ARHGAP22: variants seen among roughly 807,000 people sequenced by gnomAD.
ARHGAP22 encodes the protein rho GTPase-activating protein 22.
Under a neutral mutation model 59.1 loss-of-function variants are expected in ARHGAP22, and 48 were observed. The ratio of observed to expected loss-of-function variants is 0.81; its 90% confidence interval spans 0.64 to 1.03. The LOEUF (loss-of-function observed/expected upper bound fraction) is 1.03. Ranked by LOEUF, ARHGAP22 falls within the 50% of genes least tolerant of loss-of-function variation. The probability of loss-of-function intolerance (pLI) is 0.00; values close to 1 mark genes in which losing one functional copy is unlikely to be tolerated. For missense variants in ARHGAP22, 1,015 were observed against 958.7 expected (o/e 1.06, Z -0.78); for synonymous variants, 445 against 416.4 (o/e 1.07, Z -0.84).
chr10:48,562,483 G>A (rs970240172), intron 2 of ARHGAP22, among the ~76,000 whole-genome samples: 6 of 152,276 alleles, frequency 3.9e-5, no homozygotes, highest in Admixed American at 1.3e-4. Flanking sequence ...CTTAATGCAC[G>A]CTGCAACATG....
chr10:48,524,220 G>T, intron 3 of ARHGAP22: 1 of 645,826 alleles, frequency 1.5e-6, no homozygotes, highest in Non-Finnish European at 1.9e-6. Context: ...CAGGGTGCGC[G>T]GGACCGCCGG....
intron 1 of ARHGAP22, among the ~76,000 whole-genome samples, chr10:48,617,643 A>C (rs905289728): frequency 6.6e-5 from 10 of 152,012 alleles, no homozygotes; most frequent in Non-Finnish European, 1.5e-4. Flanking sequence ...TTCTTGTAAC[A>C]AATGAAAACA....
chr10:48,596,451 G>T (rs1466445078), intron 1 of ARHGAP22, among the ~76,000 whole-genome samples: 1 of 152,176 alleles, frequency 6.6e-6, no homozygotes, highest in Non-Finnish European at 1.5e-5. Flanking sequence ...TGGCTGGAGG[G>T]GGCAGGGAGC....
chr10:48,550,797 A>C (rs1168979019), intron 3 of ARHGAP22, among the ~76,000 whole-genome samples: 1 of 152,178 alleles, frequency 6.6e-6, no homozygotes, highest in Non-Finnish European at 1.5e-5. Flanking sequence ...ATAAACATGA[A>C]ATGGTTTTAC....
At chr10:48,498,770 C>A (rs1447227561) in intron 3 of ARHGAP22, among the ~76,000 whole-genome samples, 1 of 152,128 alleles carries the variant, frequency 6.6e-6, no homozygotes, top group East Asian at 1.9e-4. Context: ...ATGACCAAAG[C>A]AGGGGAATGG....
intron 3 of ARHGAP22, among the ~76,000 whole-genome samples, chr10:48,491,305 T>A (rs1435286359): frequency 1.3e-5 from 2 of 152,236 alleles, no homozygotes; most frequent in African/African-American, 2.4e-5. Flanking sequence ...GTTCCCTTGC[T>A]CCTGCTGTGG....
At chr10:48,537,283 TTGTGGAGCCCTGCTC>T (rs2055454980) in intron 3 of ARHGAP22, among the ~76,000 whole-genome samples, 1 of 152,184 alleles carries the variant, frequency 6.6e-6, no homozygotes, top group African/African-American at 2.4e-5. Context: ...CCACCAGGAT[TTGTGGAGCCCTGCTC>T]TGTGCCAGAC....
intron 5 of ARHGAP22, among the ~76,000 whole-genome samples, chr10:48,456,757 C>A (rs2046556986): frequency 6.6e-6 from 1 of 152,136 alleles, no homozygotes; most frequent in Non-Finnish European, 1.5e-5. Flanking sequence ...TGCTGCTTGG[C>A]CCTGCCTGAC....
intron 3 of ARHGAP22, among the ~76,000 whole-genome samples, chr10:48,551,977 G>T (rs1396273971): frequency 6.6e-6 from 1 of 152,262 alleles, no homozygotes; most frequent in African/African-American, 2.4e-5. Flanking sequence ...CTGAAAGGCT[G>T]GGGGTGGGCA....
downstream of ARHGAP22, chr10:48,443,869 C>T (rs1308220521): frequency 6.6e-6 from 1 of 152,208 alleles, no homozygotes; most frequent in African/African-American, 2.4e-5. Context: ...TTCTCACACA[C>T]ACATACCCAT....
chr10:48,565,857 T>C (rs919754210), intron 2 of ARHGAP22, among the ~76,000 whole-genome samples: 5 of 152,296 alleles, frequency 3.3e-5, no homozygotes, highest in Admixed American at 3.3e-4. Flanking sequence ...CAATCTCCCC[T>C]CCCCTAATAA....
At position 48,652,123 on chromosome 10, in the gene ARHGAP22, C is replaced by T. The variant is rs536633485; in HGVS notation, c.52+111G>A. The T allele has an allele frequency of 1.8e-5, 18 of 1,026,180 alleles. No homozygotes were observed. The South Asian group carries it at 2.4e-4, about 13-fold the overall frequency. 63.6% of individuals were successfully genotyped at this position (1,026,180 alleles called of 1,614,324 possible). A position where few individuals can be genotyped will look rare whatever the true frequency, so the allele number is the denominator to read the frequency against. Reference sequence around the variant, plus strand: ...TCAGAACCCTGACCACAGATGCCGCCTGGTGCTCTCAGCCACAAGACCAAG... The same window carrying T: ...TCAGAACCCTGACCACAGATGCCGCTTGGTGCTCTCAGCCACAAGACCAAG... On this transcript the variant is annotated intron_variant, in intron 1 of 9. Transcript: ENST00000435790.
chr10:48,630,458 G>T (rs1033836565), intron 1 of ARHGAP22, among the ~76,000 whole-genome samples: 1 of 152,100 alleles, frequency 6.6e-6, no homozygotes, highest in Non-Finnish European at 1.5e-5. Context: ...CATTTATTTC[G>T]ATTTTCTTAG....
chr10:48,487,809 G>A (rs1359767579), intron 3 of ARHGAP22, among the ~76,000 whole-genome samples: 1 of 152,240 alleles, frequency 6.6e-6, no homozygotes, highest in African/African-American at 2.4e-5. Flanking sequence ...GCTCACGCCT[G>A]TAATCCCAGC....
chr10:48,455,506 A>C (rs115116787), intron 5 of ARHGAP22, among the ~76,000 whole-genome samples: 1,677 of 152,288 alleles, frequency 0.011, 31 homozygotes, highest in African/African-American at 0.038. Context: ...TGCAGGGCAC[A>C]GCTGCTCCAC....
At chr10:48,433,170 G>C in the ARHGAP22 span, among the ~76,000 whole-genome samples, 1 of 152,116 alleles carries the variant, frequency 6.6e-6, no homozygotes, top group Admixed American at 6.5e-5. Context: ...AGAATTTACT[G>C]TATTGCTTTA....
Position 48,552,606 on chromosome 10 carries a change from G to A in ARHGAP22, c.322+2857C>T, listed in dbSNP as rs11101379. The stretch of plus-strand genomic sequence containing the variant: ...CCCAGGTAACTGTGCTCAGCCTAGT[G>A]AGGATAAGTCCTTATTGTGCCTTGA... On this transcript the variant is annotated intron_variant, in intron 3 of 9. Coordinates refer to ENST00000249601, the MANE Select transcript of ARHGAP22 (RefSeq NM_021226.4). Among the ~76,000 whole-genome samples the A allele has an allele frequency of 7.4e-3, 1,121 of 152,330 alleles. 12 individuals are homozygous for A. Among genetic ancestry groups the A allele is most frequent in the African/African-American group, 0.025 (1,059 of 41,558 alleles).
chr10:48,607,220 A>C (rs1178308590), upstream of ARHGAP22, among the ~76,000 whole-genome samples: 2 of 151,878 alleles, frequency 1.3e-5, no homozygotes, highest in Non-Finnish European at 2.9e-5. Flanking sequence ...TTAAGAAACC[A>C]CCCCCAGGCG....
At chr10:48,487,423 T>A (rs2049966963) in intron 3 of ARHGAP22, among the ~76,000 whole-genome samples, 1 of 152,162 alleles carries the variant, frequency 6.6e-6, no homozygotes, top group South Asian at 2.1e-4. Flanking sequence ...TCCTAGATTA[T>A]CCAAGTGGGC....
Sources: gnomAD v4.1 joint callset for allele counts (sites outside exome capture counted in the v4.1 genomes callset) on GRCh38, gnomAD v4.1.1 for gene constraint, MANE v1.5 for transcripts, NCBI Gene and HGNC (gene_info 2026-07-23, HGNC 2026-07-21) for gene names.